NXPH2: variants seen among roughly 807,000 people sequenced by gnomAD.
NXPH2 encodes the protein neurexophilin-2.
A neutral mutation model predicts 19.8 loss-of-function variants in NXPH2; 5 were observed. The ratio of observed to expected loss-of-function variants is 0.25; its 90% CI spans 0.13 to 0.53. The LOEUF (loss-of-function observed/expected upper bound fraction) is 0.53, where lower values mean the gene tolerates loss of function less well. Among genes scored for constraint, NXPH2 ranks in the 20% least tolerant of loss-of-function variants. NXPH2 has a pLI of 0.96. For missense variants in NXPH2, 289 were observed against 322.8 expected (o/e 0.90, Z 0.80); for synonymous variants, 154 against 127.4 (o/e 1.21, Z -1.41).
chr2:138,707,918 G>T (rs777793058), intron 1 of NXPH2, among the ~76,000 whole-genome samples: 14 of 152,062 alleles, frequency 9.2e-5, no homozygotes, highest in Non-Finnish European at 1.8e-4. Flanking sequence ...ACTTGTGTCT[G>T]CCCTTTTAAA....
chr2:138,735,180 A>G (rs1681519708), intron 1 of NXPH2, among the ~76,000 whole-genome samples: 1 of 152,226 alleles, frequency 6.6e-6, no homozygotes, highest in Non-Finnish European at 1.5e-5. Flanking sequence ...CTATAATTCC[A>G]TGAATATGAA....
At chr2:138,772,719 G>A (rs1026473495) in intron 1 of NXPH2, among the ~76,000 whole-genome samples, 1 of 152,184 alleles carries the variant, frequency 6.6e-6, no homozygotes, top group African/African-American at 2.4e-5. Flanking sequence ...TTCTAGCTCA[G>A]TGGTCACTGA....
intron 1 of NXPH2, among the ~76,000 whole-genome samples, chr2:138,762,148 T>C (rs1405554466): frequency 6.6e-6 from 1 of 152,184 alleles, no homozygotes; most frequent in Non-Finnish European, 1.5e-5. Context: ...ACTTCTAGCT[T>C]GTCCCTGATA....
intron 1 of NXPH2, among the ~76,000 whole-genome samples, chr2:138,716,007 CT>C (rs1681191084): frequency 6.6e-6 from 1 of 152,112 alleles, no homozygotes; most frequent in Non-Finnish European, 1.5e-5. Flanking sequence ...TGATGATCTA[CT>C]TTTTTCTTTG....
Position 138,780,227 on chromosome 2 carries a change from C to A in NXPH2, c.15G>T (p.Pro5=). The A allele has an allele frequency of 1.4e-6, 2 of 1,460,764 alleles. No individual in the cohort carries two copies. Among genetic ancestry groups the A allele is most frequent in the Non-Finnish European group, 1.8e-6 (2 of 1,115,926 alleles). 90.5% of individuals were successfully genotyped at this position (1,460,764 alleles called of 1,614,324 possible). MRLR[P]LPLVVVPGLL... ...AGCCAGGGACCACCACGAGGGGCAG[C>A]GGCCGCAGGCGCATGGTGCCGGCTG... The change falls in exon 1 of 2, where the codon CCG becomes CCT. Residue 5 remains proline, a synonymous_variant. Transcript: ENST00000272641.
In NXPH2 at chr2:138,671,271, T is replaced by C; in HGVS notation, c.446A>G (p.Asn149Ser). The change falls in exon 2 of 2, where the codon AAT becomes AGT. Residue 149 changes from asparagine (N) to serine (S), a missense_variant. Transcript: ENST00000272641. ...NGTFSVYFRHNSTGLGNVSVS... is the reference protein window; with the variant it reads ...NGTFSVYFRHSSTGLGNVSVS... ...TGAAACATTGCCCAGGCCTGTTGAA[T>C]TATGTCGGAAATACACACTGAAGGT... 1 of 1,613,888 alleles carries C rather than the reference T, an allele frequency of 6.2e-7. No individual in the cohort carries two copies. The highest frequency in any genetic ancestry group is 1.1e-5 in the South Asian group (1 of 91,054).
At chr2:138,763,866 G>A (rs1038860649) in intron 1 of NXPH2, among the ~76,000 whole-genome samples, 1 of 152,072 alleles carries the variant, frequency 6.6e-6, no homozygotes, top group Non-Finnish European at 1.5e-5. Flanking sequence ...GTTTTCCAGG[G>A]GCTCTGAAGC....
At chr2:138,674,011 A>G (rs773665111) in intron 1 of NXPH2, among the ~76,000 whole-genome samples, 1 of 151,984 alleles carries the variant, frequency 6.6e-6, no homozygotes, top group Non-Finnish European at 1.5e-5. Context: ...TAGAGACAGG[A>G]TATCACTCTG....
At chr2:138,717,516 G>A (rs1413456615) in intron 1 of NXPH2, among the ~76,000 whole-genome samples, 1 of 151,528 alleles carries the variant, frequency 6.6e-6, no homozygotes, top group East Asian at 1.9e-4. Context: ...TCACATGGTG[G>A]AAAGGGAAAA....
At chr2:138,753,748 G>A (rs1440870666) in intron 1 of NXPH2, among the ~76,000 whole-genome samples, 1 of 152,078 alleles carries the variant, frequency 6.6e-6, no homozygotes, top group African/African-American at 2.4e-5. Context: ...CAGCTTCAGA[G>A]TGAGAAATCC....
At chr2:138,731,194 T>C (rs931119984) in intron 1 of NXPH2, among the ~76,000 whole-genome samples, 6 of 152,212 alleles carry the variant, frequency 3.9e-5, no homozygotes, top group African/African-American at 1.4e-4. Flanking sequence ...TCACCCTGCA[T>C]AGGATGTGCT....
intron 1 of NXPH2, among the ~76,000 whole-genome samples, chr2:138,690,030 C>G (rs7594476): frequency 0.24 from 36,288 of 152,080 alleles, 5,061 homozygotes; most frequent in Non-Finnish European, 0.28. Context: ...TGTAAACTTC[C>G]CCTTAACAAT....
intron 1 of NXPH2, among the ~76,000 whole-genome samples, chr2:138,679,400 A>ATTTT (rs34158790): frequency 3.6e-5 from 5 of 139,976 alleles, no homozygotes; most frequent in South Asian, 2.3e-4. Context: ...AGAGGCCTGA[A>ATTTT]TTTTTTTTTT....
intron 1 of NXPH2, among the ~76,000 whole-genome samples, chr2:138,747,561 C>T (rs1681759236): frequency 6.6e-6 from 1 of 152,146 alleles, no homozygotes; most frequent in Non-Finnish European, 1.5e-5. Flanking sequence ...AAATGGCACC[C>T]TTGTAACATT....
At chr2:138,711,301 C>T (rs370143429) in intron 1 of NXPH2, among the ~76,000 whole-genome samples, 26 of 151,978 alleles carry the variant, frequency 1.7e-4, no homozygotes, top group East Asian at 5.8e-4. Flanking sequence ...CCACCACGCC[C>T]GGCTAATTTT....
chr2:138,750,873 G>C (rs796377871), intron 1 of NXPH2, among the ~76,000 whole-genome samples: 12 of 152,166 alleles, frequency 7.9e-5, no homozygotes, highest in African/African-American at 2.9e-4. Context: ...TTGGAGGTGG[G>C]ACCTGGTAGG....
intron 1 of NXPH2, among the ~76,000 whole-genome samples, chr2:138,736,565 G>A (rs1350857752): frequency 6.6e-6 from 1 of 152,164 alleles, no homozygotes; most frequent in African/African-American, 2.4e-5. Flanking sequence ...CTTCTGGCCT[G>A]TAAAGGGAGG....
Position 138,780,278 on chromosome 2 carries a change from C to G in NXPH2, c.-37G>C. ...GCGCGGCTTTTCACGAGCTGCGCGC[C>G]CTCGCCTGCCTCTCGCGCATCTCCA... On this transcript the variant is annotated 5_prime_UTR_variant, in exon 1 of 2. Transcript: ENST00000272641. 7.1e-7 allele frequency: 1 copy of G among 1,399,918 alleles called. No individual in the cohort carries two copies. The highest frequency in any genetic ancestry group is 9.2e-7 in the Non-Finnish European group (1 of 1,085,810). 86.7% of individuals were successfully genotyped at this position (1,399,918 alleles called of 1,614,324 possible). A position where few individuals can be genotyped will look rare whatever the true frequency, so the allele number is the denominator to read the frequency against.
chr2:138,702,772 A>G (rs1187379716), intron 1 of NXPH2, among the ~76,000 whole-genome samples: 3 of 151,594 alleles, frequency 2.0e-5, no homozygotes, highest in Non-Finnish European at 4.4e-5. Flanking sequence ...GGTGCTAAGA[A>G]CAACAACAAC....
Sources: gnomAD v4.1 joint callset for allele counts (sites outside exome capture counted in the v4.1 genomes callset) on GRCh38, gnomAD v4.1.1 for gene constraint, MANE v1.5 for transcripts, NCBI Gene and HGNC (gene_info 2026-07-23, HGNC 2026-07-21) for gene names.